OXR1: variants seen among roughly 807,000 people sequenced by gnomAD.
The protein encoded by OXR1 is oxidation resistance 1, also known as oxidation resistance protein 1.
In OXR1, 41 loss-of-function variants were observed where a neutral mutation model predicts 104.6. That is an observed-to-expected ratio of 0.39 (90% CI 0.31 to 0.51). The LOEUF is 0.51. OXR1 is among the 20% of genes least tolerant of loss of function. OXR1 has a pLI of 0.77. For synonymous variants in OXR1, 348 were observed against 348.4 expected (o/e 1.00, Z 0.01); for missense variants, 955 against 1,031.9 (o/e 0.93, Z 1.02).
chr8:106,335,367 A>T (rs534386542), intron 1 of OXR1, among the ~76,000 whole-genome samples: 66 of 152,278 alleles, frequency 4.3e-4, no homozygotes, highest in Non-Finnish European at 7.8e-4. Context: ...TTGACATCAA[A>T]TTCTATTTTT....
At chr8:106,274,754 A>G (rs1234834526) in intron 1 of OXR1, among the ~76,000 whole-genome samples, 1 of 152,176 alleles carries the variant, frequency 6.6e-6, no homozygotes, top group African/African-American at 2.4e-5. Flanking sequence ...CTCTGCTTCT[A>G]TATTTACTGA....
chr8:106,444,895 C>T (rs554176653), intron 2 of OXR1, among the ~76,000 whole-genome samples: 3 of 152,036 alleles, frequency 2.0e-5, no homozygotes, highest in African/African-American at 7.2e-5. Flanking sequence ...ACACATACCC[C>T]CCATATATAT....
At chr8:106,720,858 A>G (rs1832765427) in intron 11 of OXR1, 1 of 159,838 alleles carries the variant, frequency 6.3e-6, no homozygotes, top group Non-Finnish European at 1.3e-5. Flanking sequence ...TAAAGGAGTG[A>G]CCACCACAAT....
At chr8:106,620,347 G>A (rs546845816) in intron 3 of OXR1, among the ~76,000 whole-genome samples, 45 of 151,618 alleles carry the variant, frequency 3.0e-4, no homozygotes, top group Admixed American at 7.9e-4. Flanking sequence ...TTGGTCATGC[G>A]TCTCACAATC....
intron 3 of OXR1, among the ~76,000 whole-genome samples, chr8:106,564,882 CAT>C (rs1462269119): frequency 6.6e-6 from 1 of 152,282 alleles, no homozygotes; most frequent in African/African-American, 2.4e-5. Context: ...GACAAAATCA[CAT>C]GATTTCCTCA....
intron 2 of OXR1, among the ~76,000 whole-genome samples, chr8:106,377,772 C>T (rs1191838978): frequency 6.6e-6 from 1 of 152,142 alleles, no homozygotes; most frequent in Non-Finnish European, 1.5e-5. Context: ...CTTTCTTTAA[C>T]TTTTCTTATC....
At chr8:106,611,518 A>G (rs1280231606) in intron 3 of OXR1, among the ~76,000 whole-genome samples, 1 of 152,224 alleles carries the variant, frequency 6.6e-6, no homozygotes, top group East Asian at 1.9e-4. Flanking sequence ...GAGCATCCCT[A>G]GTAAAAAGTT....
intron 2 of OXR1, among the ~76,000 whole-genome samples, chr8:106,498,478 G>GTCTCATGATCAAA (rs1353676048): frequency 2.0e-5 from 3 of 152,220 alleles, no homozygotes; most frequent in Non-Finnish European, 2.9e-5. Context: ...CCCACATATT[G>GTCTCATGATCAAA]TAGTTTTGAT....
At chr8:106,550,492 T>G (rs150065495) in intron 3 of OXR1, among the ~76,000 whole-genome samples, 287 of 152,196 alleles carry the variant, frequency 1.9e-3, no homozygotes, top group African/African-American at 6.5e-3. Context: ...TGACTCTGAG[T>G]CCCCACCTGA....
intron 2 of OXR1, among the ~76,000 whole-genome samples, chr8:106,514,158 T>C (rs1812718084): frequency 6.6e-6 from 1 of 152,168 alleles, no homozygotes; most frequent in Non-Finnish European, 1.5e-5. Flanking sequence ...TTTGTCTTCA[T>C]TTTTAATGTT....
chr8:106,379,938 T>C (rs1223214736), intron 2 of OXR1, among the ~76,000 whole-genome samples: 1 of 152,194 alleles, frequency 6.6e-6, no homozygotes, highest in African/African-American at 2.4e-5. Context: ...AACAGCTTTA[T>C]CGAGATAGAA....
chr8:106,524,811 C>T (rs1813533546), intron 3 of OXR1, among the ~76,000 whole-genome samples: 2 of 152,018 alleles, frequency 1.3e-5, no homozygotes, highest in Non-Finnish European at 2.9e-5. Flanking sequence ...GCAGCAGGAG[C>T]CAAGGGATAT....
At chr8:106,364,063 T>C (rs1433616510) in intron 2 of OXR1, among the ~76,000 whole-genome samples, 1 of 152,178 alleles carries the variant, frequency 6.6e-6, no homozygotes, top group Admixed American at 6.5e-5. Context: ...AGTAGAATTT[T>C]ATCAGAAGTC....
chr8:106,747,192 T>C (rs1270431580), intron 16 of OXR1, among the ~76,000 whole-genome samples: 8 of 152,178 alleles, frequency 5.3e-5, no homozygotes, highest in Non-Finnish European at 1.0e-4. Flanking sequence ...CACTTCAACA[T>C]ATGCTGTATG....
At chr8:106,615,527 G>T (rs892652617) in intron 3 of OXR1, among the ~76,000 whole-genome samples, 2 of 150,564 alleles carry the variant, frequency 1.3e-5, no homozygotes, top group African/African-American at 4.9e-5. Flanking sequence ...AGGATGGCTT[G>T]AGCCCAGGAG....
chr8:106,350,405 C>A (rs920564827), intron 1 of OXR1, among the ~76,000 whole-genome samples: 1 of 152,124 alleles, frequency 6.6e-6, no homozygotes, highest in African/African-American at 2.4e-5. Flanking sequence ...ATGGTAAATA[C>A]TTCCTGTAAT....
chr8:106,381,700 T>A (rs1274054912), intron 2 of OXR1, among the ~76,000 whole-genome samples: 1 of 152,194 alleles, frequency 6.6e-6, no homozygotes, highest in Non-Finnish European at 1.5e-5. Context: ...AAATTTTCTA[T>A]CTAATCATCA....
chr8:106,707,537 A>C, intron 9 of OXR1: 1 of 329,202 alleles, frequency 3.0e-6, no homozygotes, highest in Non-Finnish European at 5.4e-6. Flanking sequence ...TTAATTGCCA[A>C]AGTTGTAATC....
intron 3 of OXR1, among the ~76,000 whole-genome samples, chr8:106,530,253 T>C (rs1313988644): frequency 1.3e-5 from 2 of 152,228 alleles, no homozygotes; most frequent in Admixed American, 1.3e-4. Flanking sequence ...TTTTTTTTAA[T>C]TTGCTTTTCT....
Sources: gnomAD v4.1 joint callset for allele counts (sites outside exome capture counted in the v4.1 genomes callset) on GRCh38, gnomAD v4.1.1 for gene constraint, MANE v1.5 for transcripts, NCBI Gene and HGNC (gene_info 2026-07-23, HGNC 2026-07-21) for gene names.